PASK: variants seen among roughly 807,000 people sequenced by gnomAD.
PASK encodes the protein PAS domain containing serine/threonine kinase, also known as PAS domain-containing serine/threonine-protein kinase.
In PASK, 110 loss-of-function variants were observed where a neutral mutation model predicts 121.0. The observed-to-expected ratio is 0.91, with a 90% CI of 0.78 to 1.06. PASK has a LOEUF of 1.06. Ranked by LOEUF, PASK falls within the 50% of genes least tolerant of loss-of-function variation. The pLI is 0.00. For synonymous variants in PASK, 686 were observed against 717.8 expected (o/e 0.96, Z 0.71); for missense variants, 1,643 against 1,702.3 (o/e 0.97, Z 0.61).
At chr2:241,141,143 T>C (rs192381887) in intron 2 of PASK, among the ~76,000 whole-genome samples, 67 of 152,242 alleles carry the variant, frequency 4.4e-4, no homozygotes, top group African/African-American at 1.5e-3. Context: ...AAAAATCAGT[T>C]GGGCATAGTG....
rs769638357 is a variant in PASK, at chr2:241,106,525, T to A, written c.*41A>T. ...CAGATGGAGCCTGAAAACTGTGTGA[T>A]TTTCCAAACCAAGTGGAGAAAAGCA... On this transcript the variant is annotated 3_prime_UTR_variant, in exon 18 of 18. Coordinates refer to ENST00000234040, the MANE Select transcript of PASK (RefSeq NM_015148.4). The A allele has an allele frequency of 6.2e-7, 1 of 1,608,240 alleles. No homozygotes were observed. The highest frequency in any genetic ancestry group is 8.5e-7 in the Non-Finnish European group (1 of 1,174,594).
At chr2:241,116,194 A>C (rs1481987303) in intron 12 of PASK, among the ~76,000 whole-genome samples, 1 of 151,968 alleles carries the variant, frequency 6.6e-6, no homozygotes, top group Non-Finnish European at 1.5e-5. Flanking sequence ...GCATCCCATT[A>C]CACCAGGGCC....
chr2:241,146,034 C>A (rs1246898192), intron 1 of PASK, among the ~76,000 whole-genome samples: 3 of 152,004 alleles, frequency 2.0e-5, no homozygotes, highest in Admixed American at 2.0e-4. Context: ...AAGATATTTG[C>A]CACATACATA....
At chr2:241,145,514 T>C (rs1242445302) in intron 1 of PASK, among the ~76,000 whole-genome samples, 1 of 152,070 alleles carries the variant, frequency 6.6e-6, no homozygotes, top group Non-Finnish European at 1.5e-5. Flanking sequence ...AGGCTATCTG[T>C]AAGACTTTGG....
At chr2:241,143,280 C>T (rs1260922310) in intron 1 of PASK, among the ~76,000 whole-genome samples, 3 of 152,146 alleles carry the variant, frequency 2.0e-5, no homozygotes, top group East Asian at 1.9e-4. Flanking sequence ...CGGTGGCGCA[C>T]GCCTGTCATC....
chr2:241,114,845 T>C (rs765251054), intron 14 of PASK, 198 bp downstream of exon 14: 206 of 1,487,848 alleles, frequency 1.4e-4, no homozygotes, highest in Non-Finnish European at 3.6e-5. Context: ...GCCTCATCCT[T>C]CCTTCCCAAC....
At chr2:241,128,607 G>C (rs1458472764) in intron 9 of PASK, among the ~76,000 whole-genome samples, 1 of 152,152 alleles carries the variant, frequency 6.6e-6, no homozygotes, top group East Asian at 1.9e-4. Context: ...GGACAGGATC[G>C]GGCACAGTGG....
chr2:241,123,554 A>T (rs149799518), intron 11 of PASK, among the ~76,000 whole-genome samples: 3,761 of 152,132 alleles, frequency 0.025, 77 homozygotes, highest in East Asian at 0.12. Context: ...GCAATGGCTC[A>T]CGCCTATAAT....
chr2:241,127,583 A>G (rs1484924627), intron 9 of PASK, 132 bp from the exon 10 acceptor site: 2 of 751,316 alleles, frequency 2.7e-6, no homozygotes, highest in South Asian at 1.5e-5. Context: ...AAAAGACCAA[A>G]TTTTGTGACC....
At chr2:241,124,165 C>T in intron 10 of PASK, 32 bp from the exon 11 acceptor site, 4 of 1,584,166 alleles carry the variant, frequency 2.5e-6, no homozygotes, top group Non-Finnish European at 3.5e-6. Flanking sequence ...ACGCACAGGC[C>T]TGTGCTGACC....
intron 11 of PASK, among the ~76,000 whole-genome samples, chr2:241,123,458 T>G (rs979410082): frequency 2.0e-5 from 3 of 151,960 alleles, no homozygotes; most frequent in Admixed American, 6.5e-5. Context: ...GATTACAGGC[T>G]TGAGCCACCA....
intron 6 of PASK, among the ~76,000 whole-genome samples, chr2:241,137,565 G>A (rs1019627555): frequency 6.6e-5 from 10 of 152,208 alleles, no homozygotes; most frequent in African/African-American, 2.4e-4. Flanking sequence ...AGGACTGTGG[G>A]GCTCAGGCTC....
intron 12 of PASK, among the ~76,000 whole-genome samples, chr2:241,116,615 T>C (rs1245498383): frequency 6.6e-6 from 1 of 152,244 alleles, no homozygotes; most frequent in Non-Finnish European, 1.5e-5. Context: ...AATCAGACTT[T>C]AGCAAGACTG....
chr2:241,131,597 C>T (rs930333872), intron 9 of PASK, among the ~76,000 whole-genome samples: 20 of 152,068 alleles, frequency 1.3e-4, no homozygotes, highest in African/African-American at 4.3e-4. Flanking sequence ...GAAATGCATG[C>T]GTCAGGCTCA....
upstream of PASK, chr2:241,149,959 G>A: frequency 7.0e-7 from 1 of 1,425,884 alleles, no homozygotes; most frequent in South Asian, 1.5e-5. Flanking sequence ...CATTTCGCAT[G>A]GGTAAAATCC....
At chr2:241,121,755 T>C (rs1435426698) in intron 12 of PASK, among the ~76,000 whole-genome samples, 1 of 152,212 alleles carries the variant, frequency 6.6e-6, no homozygotes, top group Non-Finnish European at 1.5e-5. Flanking sequence ...ACAAGGCATA[T>C]CAAATTAGGA....
intron 14 of PASK, 90 bp downstream of exon 14, chr2:241,114,952 AG>A (rs1366820953): frequency 1.2e-6 from 2 of 1,604,264 alleles, no homozygotes; most frequent in East Asian, 4.5e-5. Context: ...GCTCAGAGAG[AG>A]AACCGAGTAT....
At chr2:241,122,568 G>A (rs1339136687) in intron 12 of PASK, among the ~76,000 whole-genome samples, 164 bp downstream of exon 12, 7 of 152,168 alleles carry the variant, frequency 4.6e-5, no homozygotes, top group African/African-American at 1.7e-4. Context: ...GTGTGCTGCT[G>A]GGAGAGCCTC....
Position 241,112,750 on chromosome 2 carries a change from C to G in PASK, c.3334-311G>C. The G allele has an allele frequency of 2.8e-6, 1 of 353,108 alleles. No individual in the cohort carries two copies. The highest frequency in any genetic ancestry group is 5.3e-6 in the Non-Finnish European group (1 of 187,836). 21.9% of individuals were successfully genotyped at this position (353,108 alleles called of 1,614,324 possible). On this transcript the variant is annotated intron_variant, in intron 14 of 17. Coordinates refer to ENST00000234040, the MANE Select transcript of PASK (RefSeq NM_015148.4). The surrounding 1 kb of genome is among the most constrained non-coding windows in gnomAD (Gnocchi z 5.2). ...GACACTCGCCCCCACCAACGCACAC[C>G]ATGCCTATTTCAGGAGGAAAGACAG...
Sources: allele counts gnomAD v4.1 joint callset (sites outside exome capture counted in the v4.1 genomes callset), GRCh38; gene constraint gnomAD v4.1.1; non-coding constraint Gnocchi (gnomAD v3.1); transcripts MANE v1.5; gene names NCBI Gene and HGNC (gene_info 2026-07-23, HGNC 2026-07-21).